The following STPG1 variants were observed in gnomAD, a reference collection of about 807,000 sequenced individuals.
STPG1 encodes O(6)-methylguanine-induced apoptosis 2.
In STPG1, 33 loss-of-function variants were observed where a neutral mutation model predicts 40.1. That is an observed-to-expected ratio of 0.82 (90% confidence interval 0.62 to 1.10). The LOEUF (loss-of-function observed/expected upper bound fraction) is 1.10, where lower values mean the gene tolerates loss of function less well. Ranked by LOEUF, STPG1 falls within the 50% of genes least tolerant of loss-of-function variation. STPG1 has a pLI of 0.00. For synonymous variants in STPG1, 150 were observed against 155.0 expected (o/e 0.97, Z 0.24); for missense variants, 396 against 415.1 (o/e 0.95, Z 0.40).
At chr1:24,382,095 A>C (rs1008192189) in intron 4 of STPG1, among the ~76,000 whole-genome samples, 3 of 152,200 alleles carry the variant, frequency 2.0e-5, no homozygotes, top group Non-Finnish European at 2.9e-5. Flanking sequence ...TGAATTTTTT[A>C]AAGGCCTGAA....
intron 1 of STPG1, among the ~76,000 whole-genome samples, chr1:24,409,841 C>T (rs568944638): frequency 1.3e-5 from 2 of 152,274 alleles, no homozygotes; most frequent in East Asian, 3.9e-4. Flanking sequence ...TTAATAATGG[C>T]CCCAAAGCAC....
chr1:24,379,571 T>C lies in STPG1; in HGVS notation c.462+82A>G, dbSNP rs539874832. ...GCTTGACAACTGCATTAAAATACGA[T>C]GTCCCCAAGATCCCCTCTTCCTTTT... On this transcript the variant is annotated intron_variant, in intron 5 of 8. Transcript: ENST00000337248. 388 of 1,478,660 alleles carry C rather than the reference T, an allele frequency of 2.6e-4. 4 individuals are homozygous for C. The South Asian group carries it at 4.2e-3, about 16-fold the overall frequency. The allele number at this position is 1,478,660 out of a possible 1,614,324, so 91.6% of individuals were successfully genotyped here.
intron 1 of STPG1, among the ~76,000 whole-genome samples, chr1:24,411,157 G>A (rs906132814): frequency 6.6e-6 from 1 of 152,144 alleles, no homozygotes. Flanking sequence ...CATTTATTGA[G>A]CCTGCACAGT....
chr1:24,393,287 T>C (rs915582603), intron 2 of STPG1, among the ~76,000 whole-genome samples: 29 of 152,320 alleles, frequency 1.9e-4, no homozygotes, highest in African/African-American at 6.0e-4. Context: ...AGGAGCTGAA[T>C]ACGTGTTTAA....
Position 24,383,869 on chromosome 1 carries a change from G to C in STPG1, c.291+33C>G, listed in dbSNP as rs756809027. On this transcript the variant is annotated intron_variant, in intron 4 of 8. Transcript: ENST00000337248. ...AATGAATGAAGGAAATTACTGACCA[G>C]TTAATGCTTTACTCAAGAGAAGTGG... 7 of 1,341,678 alleles carry C rather than the reference G, an allele frequency of 5.2e-6. No individual in the cohort carries two copies. In the Admixed American group the frequency reaches 1.2e-4, roughly 22 times the overall value. 83.1% of individuals were successfully genotyped at this position (1,341,678 alleles called of 1,614,324 possible). A position where few individuals can be genotyped will look rare whatever the true frequency, so the allele number is the denominator to read the frequency against.
intron 1 of STPG1, among the ~76,000 whole-genome samples, chr1:24,412,639 G>C (rs1424538632): frequency 6.6e-6 from 1 of 152,126 alleles, no homozygotes; most frequent in Non-Finnish European, 1.5e-5. Flanking sequence ...GGGAAGGATG[G>C]CTTGAGACAG....
rs1232166657 is a variant in STPG1, at chr1:24,401,092, T to G, written c.70+227A>C. The G allele has an allele frequency of 2.0e-5, 9 of 439,748 alleles. No homozygotes were observed. In the Admixed American group the frequency reaches 2.3e-4, roughly 11 times the overall value. 27.2% of individuals were successfully genotyped at this position (439,748 alleles called of 1,614,324 possible). On this transcript the variant is annotated intron_variant, in intron 2 of 8. Transcript: ENST00000337248. ...AACAAGTCTGGGTTTTGTTTATTAG[T>G]TTTTTATTTTTTAACAGACTTCCTC...
intron 7 of STPG1, among the ~76,000 whole-genome samples, chr1:24,361,380 C>T (rs1557428771): frequency 6.6e-6 from 1 of 151,944 alleles, no homozygotes. Flanking sequence ...AATGGCAGGC[C>T]GTGTATATCT....
chr1:24,392,305 T>A (rs1329391631), intron 2 of STPG1, among the ~76,000 whole-genome samples: 2 of 152,248 alleles, frequency 1.3e-5, no homozygotes, highest in African/African-American at 2.4e-5. Context: ...ACTCCCCTCC[T>A]GCTGAGACTT....
At position 24,360,796 on chromosome 1, in the gene STPG1, G is replaced by C. The variant is rs997779200; in HGVS notation, c.928+55C>G. The C allele has an allele frequency of 4.0e-6, 6 of 1,489,916 alleles. No individual in the cohort carries two copies. In the East Asian group the frequency reaches 1.2e-4, roughly 29 times the overall value. The allele number at this position is 1,489,916 out of a possible 1,614,324, so 92.3% of individuals were successfully genotyped here. Reference sequence around the variant, plus strand: ...CAATGGCATTTGATGACCCAAGAATGACAAACAGTTCCAGAAGATTTGGTT... The same window carrying C: ...CAATGGCATTTGATGACCCAAGAATCACAAACAGTTCCAGAAGATTTGGTT... On this transcript the variant is annotated intron_variant, in intron 8 of 8. Coordinates refer to ENST00000337248, the MANE Select transcript of STPG1 (RefSeq NM_001199013.2).
intron 6 of STPG1, among the ~76,000 whole-genome samples, chr1:24,373,023 G>A (rs1472357325): frequency 6.6e-6 from 1 of 152,204 alleles, no homozygotes; most frequent in Non-Finnish European, 1.5e-5. Context: ...GGTTCCAGAA[G>A]GGACAATGGA....
At chr1:24,379,119 G>A (rs1194283152) in intron 5 of STPG1, among the ~76,000 whole-genome samples, 3 of 152,196 alleles carry the variant, frequency 2.0e-5, no homozygotes, top group South Asian at 2.1e-4. Context: ...GCCGAAGGCC[G>A]CACAGTTAGA....
intron 7 of STPG1, 78 bp downstream of exon 7, chr1:24,369,596 A>C: frequency 3.4e-6 from 5 of 1,473,432 alleles, no homozygotes; most frequent in Admixed American, 2.0e-5. Context: ...AAGCAGTGAC[A>C]CCCCATCCTT....
chr1:24,368,225 T>C (rs544491200), intron 7 of STPG1, among the ~76,000 whole-genome samples: 1 of 152,316 alleles, frequency 6.6e-6, no homozygotes, highest in Non-Finnish European at 1.5e-5. Flanking sequence ...CCTCTCCAGA[T>C]CTTAAGTTCG....
At chr1:24,379,485 T>C (rs776933286) in intron 5 of STPG1, 168 bp downstream of exon 5, 57 of 692,262 alleles carry the variant, frequency 8.2e-5, no homozygotes, top group Middle Eastern at 8.2e-4. Context: ...GGTCTGCAAA[T>C]TCCCTGTAAG....
intron 7 of STPG1, among the ~76,000 whole-genome samples, chr1:24,367,758 T>A (rs1249818549): frequency 2.6e-5 from 4 of 152,188 alleles, no homozygotes; most frequent in Non-Finnish European, 5.9e-5. Flanking sequence ...AAGTGATCCA[T>A]CTGCCTTGGG....
In STPG1 at chr1:24,379,678, T is replaced by A; in HGVS notation, c.437A>T (p.Glu146Val). 6.2e-7 allele frequency: 1 copy of A among 1,614,208 alleles called. No individual in the cohort carries two copies. Among genetic ancestry groups the A allele is most frequent in the Non-Finnish European group, 8.5e-7 (1 of 1,180,018 alleles). ...ATTGTAATAGTTTGGTGCAGGAGTTTCAAACTTGAGAGCTTTCATAAAGCT... is the reference window on the plus strand; with the variant it reads ...ATTGTAATAGTTTGGTGCAGGAGTTACAAACTTGAGAGCTTTCATAAAGCT... ...LPSFMKALKF[E>V]TPAPNYYNAS... The change falls in exon 5 of 9, where the codon GAA (glutamate) becomes GTA (valine). Residue 146 changes from glutamate to valine, a missense_variant. By Grantham distance (121) the Glu-to-Val change is moderately radical (BLOSUM62 -2). Coordinates refer to ENST00000337248, the MANE Select transcript of STPG1 (RefSeq NM_001199013.2).
chr1:24,373,580 T>C, intron 6 of STPG1, 122 bp downstream of exon 6: 1 of 698,240 alleles, frequency 1.4e-6, no homozygotes, highest in East Asian at 2.5e-5. Flanking sequence ...ACCTGCCTGC[T>C]ACTCCTCCCC....
At chr1:24,387,969 C>G (rs1425526534) in intron 3 of STPG1, among the ~76,000 whole-genome samples, 1 of 152,198 alleles carries the variant, frequency 6.6e-6, no homozygotes, top group Non-Finnish European at 1.5e-5. Flanking sequence ...TGTACGATTT[C>G]ATCACAAATT....
Sources: allele counts gnomAD v4.1 joint callset (sites outside exome capture counted in the v4.1 genomes callset), GRCh38; gene constraint gnomAD v4.1.1; transcripts MANE v1.5; gene names NCBI Gene and HGNC (gene_info 2026-07-23, HGNC 2026-07-21).